Variants in EGFLAM observed in about 807,000 individuals in gnomAD.
The protein encoded by EGFLAM is EGF like, fibronectin type III and laminin G domains, also known as pikachurin.
A neutral mutation model predicts 113.1 loss-of-function variants in EGFLAM; 79 were observed. The ratio of observed to expected loss-of-function variants is 0.70; its 90% CI spans 0.58 to 0.84. The LOEUF (loss-of-function observed/expected upper bound fraction) is 0.84. Ranked by LOEUF, EGFLAM falls within the 40% of genes least tolerant of loss-of-function variation. EGFLAM has a pLI of 0.00. For missense variants in EGFLAM, 1,265 were observed against 1,291.6 expected (o/e 0.98, Z 0.32); for synonymous variants, 504 against 487.6 (o/e 1.03, Z -0.44).
At chr5:38,336,497 C>T (rs1739188055) in intron 1 of EGFLAM, among the ~76,000 whole-genome samples, 1 of 151,720 alleles carries the variant, frequency 6.6e-6, no homozygotes, top group African/African-American at 2.4e-5. Context: ...TGGCGTGAAC[C>T]CGGGAGGCGG....
At chr5:38,414,773 G>A (rs113415686) in intron 11 of EGFLAM, among the ~76,000 whole-genome samples, 2,639 of 152,244 alleles carry the variant, frequency 0.017, 88 homozygotes, top group African/African-American at 0.06. Flanking sequence ...TCATTATAGA[G>A]TCAAAGGGAG....
chr5:38,258,981 T>C (rs951304051), intron 1 of EGFLAM, 130 bp downstream of exon 1: 3 of 1,006,134 alleles, frequency 3.0e-6, no homozygotes, highest in Middle Eastern at 3.3e-4. Flanking sequence ...GCTTCAGCTC[T>C]GCCAGGAGCT....
intron 1 of EGFLAM, 99 bp from the exon 2 acceptor site, chr5:38,337,421 C>A (rs1739216857): frequency 5.5e-6 from 6 of 1,087,544 alleles, no homozygotes; most frequent in Non-Finnish European, 6.5e-6. Context: ...TTTAAGTATG[C>A]TTTTCATCTG....
At chr5:38,277,394 G>T (rs1757910069) in intron 1 of EGFLAM, among the ~76,000 whole-genome samples, 1 of 152,088 alleles carries the variant, frequency 6.6e-6, no homozygotes, top group Non-Finnish European at 1.5e-5. Flanking sequence ...CAACAAATTA[G>T]GCATAGATGG....
chr5:38,400,532 C>T (rs1360608619), intron 6 of EGFLAM, among the ~76,000 whole-genome samples: 1 of 152,100 alleles, frequency 6.6e-6, no homozygotes, highest in Admixed American at 6.5e-5. Flanking sequence ...ATTCTGTGCT[C>T]ACTTAGAAAT....
intron 17 of EGFLAM, chr5:38,445,594 T>A: frequency 1.3e-6 from 2 of 1,597,954 alleles, no homozygotes; most frequent in South Asian, 2.2e-5. Context: ...TGGCTTCAAG[T>A]GATCTGCAAC....
At position 38,321,756 on chromosome 5, in the gene EGFLAM, A is replaced by G. The variant is rs990602592; in HGVS notation, c.98-15764A>G. On this transcript the variant is annotated intron_variant, in intron 1 of 21. Transcript: ENST00000322350. Reference sequence around the variant, plus strand: ...GCCAGAAGAATCCGTCGTGAGATCCATTTACAACCCAGCTGAGCCCAGTTT... The same window carrying G: ...GCCAGAAGAATCCGTCGTGAGATCCGTTTACAACCCAGCTGAGCCCAGTTT... 3.3e-5 allele frequency among the ~76,000 whole-genome samples: 5 copies of G among 152,080 alleles called. No homozygotes were observed. The East Asian group carries it at 9.7e-4, about 29-fold the overall frequency.
intron 6 of EGFLAM, among the ~76,000 whole-genome samples, chr5:38,377,929 T>C (rs912567239): frequency 2.6e-5 from 4 of 152,228 alleles, no homozygotes; most frequent in African/African-American, 9.6e-5. Context: ...TTGATCATTA[T>C]AATAAGCATT....
chr5:38,333,837 G>T (rs564163228), intron 1 of EGFLAM, among the ~76,000 whole-genome samples: 2 of 146,754 alleles, frequency 1.4e-5, no homozygotes, highest in African/African-American at 5.1e-5. Context: ...TGCTTTTGTT[G>T]TGATTGCTTT....
rs1740182895 is a variant in EGFLAM, at chr5:38,370,577, C to T, written c.712+115C>T. On this transcript the variant is annotated intron_variant, in intron 6 of 21. Coordinates refer to ENST00000322350, the MANE Select transcript of EGFLAM (RefSeq NM_152403.4). Reference sequence around the variant, plus strand: ...AGGACAGCCTGGAAAAGGGCTAACCCCAGGCTTTCCTCCTGTGGTTTTCCC... The same window carrying T: ...AGGACAGCCTGGAAAAGGGCTAACCTCAGGCTTTCCTCCTGTGGTTTTCCC... 6.2e-6 allele frequency: 8 copies of T among 1,298,216 alleles called. No individual in the cohort carries two copies. In the Admixed American group the frequency reaches 1.3e-4, roughly 22 times the overall value. The allele number at this position is 1,298,216 out of a possible 1,614,324, so 80.4% of individuals were successfully genotyped here.
intron 9 of EGFLAM, among the ~76,000 whole-genome samples, chr5:38,408,476 C>T (rs542890751): frequency 1.8e-4 from 28 of 152,290 alleles, no homozygotes; most frequent in East Asian, 1.7e-3. Flanking sequence ...AAAGAAGTCT[C>T]ATTTGAAGTC....
chr5:38,337,834 T>C (rs1739228395), intron 2 of EGFLAM, among the ~76,000 whole-genome samples: 1 of 152,136 alleles, frequency 6.6e-6, no homozygotes, highest in African/African-American at 2.4e-5. Context: ...TCACTTAGGA[T>C]CTATCCAGTC....
chr5:38,281,233 G>T (rs1452839760), intron 1 of EGFLAM, among the ~76,000 whole-genome samples: 2 of 151,868 alleles, frequency 1.3e-5, no homozygotes, highest in East Asian at 3.9e-4. Context: ...AAACAGTCCT[G>T]TTACACATAT....
chr5:38,347,830 G>A (rs1212622126), intron 3 of EGFLAM, among the ~76,000 whole-genome samples: 1 of 152,176 alleles, frequency 6.6e-6, no homozygotes, highest in African/African-American at 2.4e-5. Flanking sequence ...AGTCCAGACT[G>A]GAGGTACAGG....
intron 1 of EGFLAM, among the ~76,000 whole-genome samples, chr5:38,267,923 A>G (rs1260428603): frequency 6.6e-6 from 1 of 152,210 alleles, no homozygotes; most frequent in Non-Finnish European, 1.5e-5. Context: ...TATGTGATTA[A>G]CTAGAAAGAT....
intron 19 of EGFLAM, among the ~76,000 whole-genome samples, chr5:38,453,497 A>G (rs1051964557): frequency 1.8e-4 from 27 of 152,278 alleles, no homozygotes; most frequent in African/African-American, 6.5e-4. Context: ...ATAGCAGAGC[A>G]TGCTAAGTGA....
At chr5:38,396,957 G>A (rs56194925) in intron 6 of EGFLAM, among the ~76,000 whole-genome samples, 3,553 of 152,236 alleles carry the variant, frequency 0.023, 112 homozygotes, top group African/African-American at 0.07. Flanking sequence ...AAGACACAGT[G>A]GCATGTGTTT....
intron 15 of EGFLAM, among the ~76,000 whole-genome samples, chr5:38,433,076 A>C (rs1742236957): frequency 6.6e-6 from 1 of 152,218 alleles, no homozygotes; most frequent in South Asian, 2.1e-4. Flanking sequence ...TGATCTCCAT[A>C]TGCTAAACCT....
At chr5:38,425,733 T>C (rs1008192143) in intron 13 of EGFLAM, among the ~76,000 whole-genome samples, 3 of 152,188 alleles carry the variant, frequency 2.0e-5, no homozygotes, top group Admixed American at 2.0e-4. Context: ...TGAATAACTT[T>C]TAAAAAGCCT....
Sources: allele counts gnomAD v4.1 joint callset (sites outside exome capture counted in the v4.1 genomes callset), GRCh38; gene constraint gnomAD v4.1.1; transcripts MANE v1.5; gene names NCBI Gene and HGNC (gene_info 2026-07-23, HGNC 2026-07-21).